The following SCD5 variants were observed in gnomAD, a reference collection of about 807,000 sequenced individuals.
SCD5 encodes stearoyl-CoA desaturase 5, also known as acyl-CoA-desaturase 4.
A neutral mutation model predicts 30.4 loss-of-function variants in SCD5; 20 were observed. That is an observed-to-expected ratio of 0.66 (90% confidence interval 0.46 to 0.96). The LOEUF is 0.96. Among genes scored for constraint, SCD5 ranks in the 40% least tolerant of loss-of-function variants. SCD5 has a pLI of 0.00. For synonymous variants in SCD5, 173 were observed against 176.4 expected (o/e 0.98, Z 0.16); for missense variants, 381 against 443.3 (o/e 0.86, Z 1.26).
chr4:82,632,171 G>A (rs1727308497), intron 4 of SCD5, among the ~76,000 whole-genome samples: 1 of 135,976 alleles, frequency 7.4e-6, no homozygotes, highest in Non-Finnish European at 1.6e-5. Flanking sequence ...TTCTCCTAAT[G>A]CTATCCCTCC....
intron 3 of SCD5, among the ~76,000 whole-genome samples, chr4:82,655,448 A>G (rs1485938670): frequency 6.6e-6 from 1 of 152,238 alleles, no homozygotes; most frequent in African/African-American, 2.4e-5. Flanking sequence ...AAGTTCTGAG[A>G]TATTTTATGA....
chr4:82,719,527 G>A (rs1387530150), intron 1 of SCD5, among the ~76,000 whole-genome samples: 7 of 141,980 alleles, frequency 4.9e-5, no homozygotes, highest in Non-Finnish European at 7.5e-5. Context: ...TTTTTGAGAC[G>A]GAGCGTCGCT....
At chr4:82,661,377 A>G (rs1307892629) in intron 3 of SCD5, among the ~76,000 whole-genome samples, 10 of 152,200 alleles carry the variant, frequency 6.6e-5, no homozygotes, top group African/African-American at 2.2e-4. Context: ...ACTTACAACA[A>G]TATTTCCACT....
At chr4:82,791,540 G>A (rs995923629) in intron 1 of SCD5, among the ~76,000 whole-genome samples, 6 of 152,182 alleles carry the variant, frequency 3.9e-5, no homozygotes, top group Admixed American at 2.0e-4. Context: ...GGGAATGAGC[G>A]AAGTGAAACA....
intron 2 of SCD5, among the ~76,000 whole-genome samples, chr4:82,684,529 G>A (rs1323047838): frequency 1.3e-5 from 2 of 152,180 alleles, no homozygotes; most frequent in Non-Finnish European, 2.9e-5. Context: ...GAGTGGGTGG[G>A]TAGGGGAAAG....
chr4:82,715,310 G>A (rs1312413454), intron 1 of SCD5, among the ~76,000 whole-genome samples: 1 of 151,554 alleles, frequency 6.6e-6, no homozygotes, highest in Admixed American at 6.6e-5. Flanking sequence ...GTGATAATGA[G>A]CGGAAATGGA....
At chr4:82,721,305 T>C (rs931132837) in intron 1 of SCD5, among the ~76,000 whole-genome samples, 4 of 152,212 alleles carry the variant, frequency 2.6e-5, no homozygotes, top group African/African-American at 9.6e-5. Context: ...TTCTGCTTCT[T>C]ATTCCCCCAC....
chr4:82,679,456 G>C (rs1013522952), intron 3 of SCD5, among the ~76,000 whole-genome samples: 4 of 152,126 alleles, frequency 2.6e-5, no homozygotes, highest in Non-Finnish European at 5.9e-5. Context: ...GATGGAAACA[G>C]AGAATTCTCT....
At chr4:82,696,365 G>T (rs1719695548) in intron 2 of SCD5, among the ~76,000 whole-genome samples, 1 of 152,204 alleles carries the variant, frequency 6.6e-6, no homozygotes, top group Admixed American at 6.5e-5. Flanking sequence ...GGAACAGGAT[G>T]ATTGAAAAGC....
Position 82,718,082 on chromosome 4 carries a change from T to TA in SCD5, c.233-12670dup, listed in dbSNP as rs1304266095. Among the ~76,000 whole-genome samples, 639 of 143,112 alleles carry TA rather than the reference T, an allele frequency of 4.5e-3. 3 individuals are homozygous for TA. Among genetic ancestry groups the TA allele is most frequent in the East Asian group, 0.018 (89 of 4,966 alleles). The allele number at this position is 143,112 out of a possible 152,430, so 93.9% of individuals were successfully genotyped here. On this transcript the variant is annotated intron_variant, in intron 1 of 4. Transcript: ENST00000319540. ...ATGGGTCATTATCACCTTTTTTTTT[T>TA]AAAAAAAAAAAAAGCAATCTCTCTA...
chr4:82,705,474 T>G (rs547286995), intron 1 of SCD5, 61 bp from the exon 2 acceptor site: 1 of 1,596,828 alleles, frequency 6.3e-7, no homozygotes, highest in East Asian at 2.2e-5. Context: ...ACACCCCCCA[T>G]GCTTTTTCTC....
intron 1 of SCD5, among the ~76,000 whole-genome samples, chr4:82,719,922 C>T (rs180855133): frequency 6.6e-6 from 1 of 151,782 alleles, no homozygotes; most frequent in Admixed American, 6.5e-5. Context: ...ATGCCTCAGC[C>T]TCCTGAGTAG....
At chr4:82,669,102 G>T (rs1728250904) in intron 3 of SCD5, among the ~76,000 whole-genome samples, 1 of 152,166 alleles carries the variant, frequency 6.6e-6, no homozygotes, top group South Asian at 2.1e-4. Context: ...ATTCAGTCAA[G>T]GGAGATGGAG....
At chr4:82,750,732 G>A (rs368410782) in intron 1 of SCD5, among the ~76,000 whole-genome samples, 5 of 152,110 alleles carry the variant, frequency 3.3e-5, no homozygotes, top group African/African-American at 1.2e-4. Flanking sequence ...CTGACGAAAC[G>A]GTCTGCTAGG....
At chr4:82,700,609 C>T (rs1047005426) in intron 2 of SCD5, among the ~76,000 whole-genome samples, 3 of 151,646 alleles carry the variant, frequency 2.0e-5, no homozygotes, top group East Asian at 3.9e-4. Context: ...AATTACTCTT[C>T]GAAAATGAAG....
chr4:82,645,024 A>G (rs183615483), intron 3 of SCD5, among the ~76,000 whole-genome samples: 3 of 152,282 alleles, frequency 2.0e-5, no homozygotes, highest in East Asian at 3.9e-4. Flanking sequence ...CAAGACAGCA[A>G]AAGAGTGGCC....
chr4:82,720,145 A>T (rs1720335353), intron 1 of SCD5, among the ~76,000 whole-genome samples: 1 of 151,974 alleles, frequency 6.6e-6, no homozygotes, highest in African/African-American at 2.4e-5. Flanking sequence ...TTAAAAGAGA[A>T]ACGGCCAGGC....
chr4:82,676,035 G>A (rs558711941), intron 3 of SCD5, among the ~76,000 whole-genome samples: 1 of 152,278 alleles, frequency 6.6e-6, no homozygotes, highest in Non-Finnish European at 1.5e-5. Flanking sequence ...AGAGACAAGT[G>A]GATAGGTTGT....
chr4:82,643,844 C>T (rs2148813247), intron 3 of SCD5, among the ~76,000 whole-genome samples: 1 of 152,332 alleles, frequency 6.6e-6, no homozygotes, highest in South Asian at 2.1e-4. Flanking sequence ...CAACAGCCAT[C>T]TGTGACTATG....
Sources: allele counts gnomAD v4.1 joint callset (sites outside exome capture counted in the v4.1 genomes callset), GRCh38; gene constraint gnomAD v4.1.1; transcripts MANE v1.5; gene names NCBI Gene and HGNC (gene_info 2026-07-23, HGNC 2026-07-21).